IGF1: variants seen among roughly 807,000 people sequenced by gnomAD.
IGF1 encodes insulin like growth factor 1.
IGF1 carries 4 observed loss-of-function variants against 13.8 expected under a neutral mutation model. The ratio of observed to expected loss-of-function variants is 0.29; its 90% confidence interval spans 0.14 to 0.66. The LOEUF (loss-of-function observed/expected upper bound fraction) is 0.66. IGF1 is among the 30% of genes least tolerant of loss of function. The probability of loss-of-function intolerance (pLI) is 0.78; values close to 1 mark genes in which losing one functional copy is unlikely to be tolerated. For synonymous variants in IGF1, 76 were observed against 72.6 expected (o/e 1.05, Z -0.23); for missense variants, 124 against 188.5 (o/e 0.66, Z 2.00).
chr12:102,449,187 G>A (rs1410271425), intron 2 of IGF1, among the ~76,000 whole-genome samples: 1 of 152,114 alleles, frequency 6.6e-6, no homozygotes, highest in Non-Finnish European at 1.5e-5. Context: ...AGAAAATGTG[G>A]CACATATACA....
chr12:102,412,050 G>T (rs939125967), intron 3 of IGF1, among the ~76,000 whole-genome samples: 19 of 152,154 alleles, frequency 1.2e-4, no homozygotes, highest in Non-Finnish European at 4.4e-5. Flanking sequence ...GAAAGTTACT[G>T]CAGTCTATAG....
chr12:102,412,985 A>G (rs1874776431), intron 3 of IGF1, among the ~76,000 whole-genome samples: 1 of 152,212 alleles, frequency 6.6e-6, no homozygotes, highest in Non-Finnish European at 1.5e-5. Flanking sequence ...TTTAGGGATG[A>G]CAGAAAAGCT....
chr12:102,453,073 T>C (rs1328676442), intron 2 of IGF1, among the ~76,000 whole-genome samples: 1 of 152,222 alleles, frequency 6.6e-6, no homozygotes, highest in Non-Finnish European at 1.5e-5. Context: ...AAAGGAGTCT[T>C]CTCAGAAATC....
At chr12:102,464,683 C>T (rs1311433273) in intron 2 of IGF1, among the ~76,000 whole-genome samples, 1 of 151,926 alleles carries the variant, frequency 6.6e-6, no homozygotes, top group African/African-American at 2.4e-5. Context: ...ACCACAGGGT[C>T]ACTGGTCCAT....
At chr12:102,418,027 G>T in intron 3 of IGF1, 1 of 1,603,234 alleles carries the variant, frequency 6.2e-7, no homozygotes, top group Non-Finnish European at 8.5e-7. Context: ...AAAAATAATT[G>T]CATTGAGAAC....
At chr12:102,443,930 T>A (rs1402219497) in intron 2 of IGF1, among the ~76,000 whole-genome samples, 5 of 151,998 alleles carry the variant, frequency 3.3e-5, no homozygotes, top group African/African-American at 1.2e-4. Context: ...GGGGTTCAAG[T>A]GATTCTCCTG....
chr12:102,424,139 C>T (rs1043200054), intron 2 of IGF1, among the ~76,000 whole-genome samples: 3 of 151,726 alleles, frequency 2.0e-5, no homozygotes, highest in Admixed American at 6.6e-5. Context: ...AGTTGGGAAG[C>T]AACTAGTTCT....
chr12:102,441,955 C>CTTCTTCTTCTTCT lies in IGF1; in HGVS notation c.221-22266_221-22265insAGAAGAAGAAGAA, dbSNP rs1555244164. On this transcript the variant is annotated intron_variant, in intron 2 of 3. Coordinates refer to ENST00000337514, the MANE Select transcript of IGF1 (RefSeq NM_000618.5). ...TCTTCTTCTTCTTCTTCTTCTTCTT[C>CTTCTTCTTCTTCT]TTTTTTTTTTTTGAGACAGGGTTTT... Among the ~76,000 whole-genome samples, 48 of 140,048 alleles carry CTTCTTCTTCTTCT rather than the reference C, an allele frequency of 3.4e-4. 2 individuals carry two copies. The highest frequency in any genetic ancestry group is 1.0e-3 in the African/African-American group (37 of 37,156). The allele number at this position is 140,048 out of a possible 152,430, so 91.9% of individuals were successfully genotyped here.
At chr12:102,413,284 G>A (rs1028219196) in intron 3 of IGF1, among the ~76,000 whole-genome samples, 1 of 152,158 alleles carries the variant, frequency 6.6e-6, no homozygotes, top group African/African-American at 2.4e-5. Context: ...GTGTTATCTA[G>A]TGAATATTGC....
chr12:102,464,955 G>A (rs956745426), intron 2 of IGF1, among the ~76,000 whole-genome samples: 10 of 152,110 alleles, frequency 6.6e-5, no homozygotes, highest in Non-Finnish European at 1.0e-4. Context: ...CAATCACCTC[G>A]TGGGGAACAA....
intron 2 of IGF1, among the ~76,000 whole-genome samples, chr12:102,458,061 A>G (rs776866746): frequency 2.6e-5 from 4 of 152,180 alleles, no homozygotes; most frequent in Non-Finnish European, 4.4e-5. Flanking sequence ...AAAATTCACT[A>G]AGTTGGATCC....
At chr12:102,435,351 C>G (rs1168266372) in intron 2 of IGF1, among the ~76,000 whole-genome samples, 1 of 152,148 alleles carries the variant, frequency 6.6e-6, no homozygotes, top group Non-Finnish European at 1.5e-5. Context: ...AGTGAATGGC[C>G]ATTATCTGCC....
intron 2 of IGF1, among the ~76,000 whole-genome samples, chr12:102,454,723 G>A (rs1879246059): frequency 2.0e-5 from 3 of 152,304 alleles, no homozygotes; most frequent in East Asian, 3.9e-4. Context: ...GCCATGAAGG[G>A]GTCAATTGAG....
intron 2 of IGF1, among the ~76,000 whole-genome samples, chr12:102,469,401 A>C (rs1880550095): frequency 6.6e-6 from 1 of 152,214 alleles, no homozygotes; most frequent in Non-Finnish European, 1.5e-5. Flanking sequence ...GAAGCTCCCC[A>C]GATCCTACTG....
At chr12:102,478,733 C>T (rs1881227190) in intron 1 of IGF1, 1 of 1,122,660 alleles carries the variant, frequency 8.9e-7, no homozygotes, top group Non-Finnish European at 1.2e-6. Context: ...CAATCTTTTC[C>T]CCCCAGTCAA....
chr12:102,453,204 T>G (rs1453704602), intron 2 of IGF1, among the ~76,000 whole-genome samples: 1 of 152,200 alleles, frequency 6.6e-6, no homozygotes, highest in Non-Finnish European at 1.5e-5. Context: ...TGGAATAATG[T>G]GTTAGGTGTG....
chr12:102,415,593 T>TCCTTCCTTCCTTCCTTCCTTCCTTCCTG (rs1875067301), intron 3 of IGF1: 1 of 148,592 alleles, frequency 6.7e-6, no homozygotes, highest in Admixed American at 6.7e-5. Context: ...CTTCCTTCCT[T>TCCTTCCTTCCTTCCTTCCTTCCTTCCTG]CCTTCCCTCC....
At chr12:102,422,550 C>T (rs1875828114) in intron 2 of IGF1, among the ~76,000 whole-genome samples, 1 of 152,150 alleles carries the variant, frequency 6.6e-6, no homozygotes, top group Admixed American at 6.5e-5. Flanking sequence ...AGTTTTGTTC[C>T]ATATCTTCAA....
At chr12:102,417,779 T>C (rs1240706125) in intron 3 of IGF1, 2 of 1,612,676 alleles carry the variant, frequency 1.2e-6, no homozygotes, top group Non-Finnish European at 1.7e-6. Flanking sequence ...TGCTCCTCTC[T>C]CATCATCCTT....
Sources: allele counts gnomAD v4.1 joint callset (sites outside exome capture counted in the v4.1 genomes callset), GRCh38; gene constraint gnomAD v4.1.1; transcripts MANE v1.5; gene names NCBI Gene and HGNC (gene_info 2026-07-23, HGNC 2026-07-21).